TRAPPC11: variants seen among roughly 807,000 people sequenced by gnomAD.
TRAPPC11 encodes the protein trafficking protein particle complex subunit 11, also known as foie gras homolog.
TRAPPC11 carries 104 observed loss-of-function variants against 151.2 expected under a neutral mutation model. That is an observed-to-expected ratio of 0.69 (90% confidence interval 0.59 to 0.81). The LOEUF (loss-of-function observed/expected upper bound fraction) is 0.81, where lower values mean the gene tolerates loss of function less well. Among genes scored for constraint, TRAPPC11 ranks in the 30% least tolerant of loss-of-function variants. TRAPPC11 has a pLI of 0.00. For synonymous variants in TRAPPC11, 456 were observed against 472.3 expected, an observed-to-expected ratio of 0.97 and a Z score of 0.45; for missense variants, 1,230 against 1,349.6, an observed-to-expected ratio of 0.91 and a Z score of 1.39.
chr4:183,693,828 G>A (rs887671680), intron 21 of TRAPPC11, 89 bp from the exon 22 acceptor site: 64 of 1,595,572 alleles, frequency 4.0e-5, no homozygotes, highest in Non-Finnish European at 5.3e-5. Context: ...GTTTACAAGA[G>A]GGTATGGCAT....
At chr4:183,712,564 A>G in intron 29 of TRAPPC11, 36 bp from the exon 30 acceptor site, 1 of 1,604,576 alleles carries the variant, frequency 6.2e-7, no homozygotes, top group Non-Finnish European at 8.5e-7. Flanking sequence ...TTATATTATA[A>G]TTTTGTAAAC....
chr4:183,668,143 GT>G, intron 5 of TRAPPC11, 26 bp downstream of exon 5: 3 of 1,373,862 alleles, frequency 2.2e-6, no homozygotes, highest in Non-Finnish European at 3.0e-6. Flanking sequence ...TTAAAGTTTT[GT>G]TTTTTTAGAT....
chr4:183,684,125 C>T lies in TRAPPC11; in HGVS notation c.1288-20C>T, dbSNP rs1461677289. ...AAAATATTTGTATTGAAATGTTTCA[C>T]ACTCTACTTTTTCTAATAGGAGATA... On this transcript the variant is annotated intron_variant, in intron 12 of 29. Coordinates refer to ENST00000334690, the MANE Select transcript of TRAPPC11 (RefSeq NM_021942.6). 1.2e-6 allele frequency: 2 copies of T among 1,608,684 alleles called. No individual in the cohort carries two copies. Among genetic ancestry groups the T allele is most frequent in the Non-Finnish European group, 1.7e-6 (2 of 1,175,420 alleles).
At chr4:183,675,371 G>GAGAT in intron 7 of TRAPPC11, 134 bp downstream of exon 7, 1 of 431,744 alleles carries the variant, frequency 2.3e-6, no homozygotes, top group Admixed American at 4.3e-5. Flanking sequence ...AATTAGTGTA[G>GAGAT]AGATGAATGG....
intron 23 of TRAPPC11, 114 bp downstream of exon 23, chr4:183,694,837 T>G: frequency 9.4e-7 from 1 of 1,064,026 alleles, no homozygotes; most frequent in Non-Finnish European, 1.3e-6. Context: ...GCTTATAGTC[T>G]GTTATAAATT....
chr4:183,708,531 A>G lies in TRAPPC11; in HGVS notation c.3314A>G (p.Asn1105Ser). Residue 1105 changes from asparagine to serine, a missense_variant, in exon 29 of 30, where the codon AAT becomes AGT. Physicochemically the swap from Asn to Ser is conservative, Grantham distance 46 (BLOSUM62 1). Transcript: ENST00000334690. ...TTGCTTAGATTTCCTAACTTCACAAATCAGCTGCTCAGGCGTTTTATACCT... is the reference window on the plus strand; with the variant it reads ...TTGCTTAGATTTCCTAACTTCACAAGTCAGCTGCTCAGGCGTTTTATACCT... ...INLLRFPNFTNQLLRRFIPTS... is the reference protein window; with the variant it reads ...INLLRFPNFTSQLLRRFIPTS... 1 of 1,614,114 alleles carries G rather than the reference A, an allele frequency of 6.2e-7. No homozygotes were observed.
At chr4:183,699,205 A>T (rs1736685614) in intron 25 of TRAPPC11, among the ~76,000 whole-genome samples, 2 of 152,114 alleles carry the variant, frequency 1.3e-5, no homozygotes, top group South Asian at 4.2e-4. Flanking sequence ...CATTGCCCCC[A>T]GCTACTTTTG....
intron 7 of TRAPPC11, 84 bp from the exon 8 acceptor site, chr4:183,677,374 A>AT: frequency 1.2e-6 from 1 of 824,808 alleles, no homozygotes; most frequent in Middle Eastern, 2.3e-4. Context: ...TGTTGAGTAA[A>AT]TATTCTTTGT....
chr4:183,693,466 A>G, intron 20 of TRAPPC11, 123 bp from the exon 21 acceptor site: 1 of 1,113,228 alleles, frequency 9.0e-7, no homozygotes, highest in Non-Finnish European at 1.3e-6. Flanking sequence ...TCAGTCTCCC[A>G]AAATGCTGGG....
rs1002651123 is a variant in TRAPPC11, at chr4:183,659,400, T to A, written c.-69T>A. 2.5e-5 allele frequency: 4 copies of A among 158,170 alleles called. No individual in the cohort carries two copies. Among genetic ancestry groups the A allele is most frequent in the Admixed American group, 1.9e-4 (3 of 15,430 alleles). The allele number at this position is 158,170 out of a possible 1,614,324, so 9.8% of individuals were successfully genotyped here. A position where few individuals can be genotyped will look rare whatever the true frequency, so the allele number is the denominator to read the frequency against. Reference sequence around the variant, plus strand: ...CCGCCTCCCCTCGTCTTCTCCCGGCTGGCGGCGACCGGCCTCAGCTGCAGC... The same window carrying A: ...CCGCCTCCCCTCGTCTTCTCCCGGCAGGCGGCGACCGGCCTCAGCTGCAGC... On this transcript the variant is annotated 5_prime_UTR_variant, in exon 1 of 30. Coordinates refer to ENST00000334690, the MANE Select transcript of TRAPPC11 (RefSeq NM_021942.6).
intron 2 of TRAPPC11, among the ~76,000 whole-genome samples, chr4:183,665,913 AC>A (rs1734854042): frequency 6.7e-6 from 1 of 149,802 alleles, no homozygotes; most frequent in African/African-American, 2.4e-5. Context: ...AGTAGAATTT[AC>A]CTGGAAATGG....
Position 183,708,509 on chromosome 4 carries a change from C to G in TRAPPC11, c.3292C>G (p.Leu1098Val). The G allele has an allele frequency of 6.2e-7, 1 of 1,614,116 alleles. No homozygotes were observed. The highest frequency in any genetic ancestry group is 2.2e-5 in the East Asian group (1 of 44,860). Residue 1098 changes from leucine to valine, a missense_variant, in exon 29 of 30, where the codon CTT becomes GTT. Coordinates refer to ENST00000334690, the MANE Select transcript of TRAPPC11 (RefSeq NM_021942.6). ...QQLPSLNINL[L>V]RFPNFTNQLL... ...GCTGCCATCTCTCAACATCAACTTG[C>G]TTAGATTTCCTAACTTCACAAATCA...
chr4:183,691,188 T>C (rs1321905693), intron 18 of TRAPPC11, 128 bp from the exon 19 acceptor site: 6 of 671,842 alleles, frequency 8.9e-6, no homozygotes, highest in Non-Finnish European at 9.0e-6. Context: ...TAAAAAATAC[T>C]TCCTTTTATT....
At chr4:183,693,534 A>G (rs1379057500) in intron 20 of TRAPPC11, 55 bp from the exon 21 acceptor site, 8 of 1,546,508 alleles carry the variant, frequency 5.2e-6, no homozygotes, top group Admixed American at 2.1e-5. Context: ...CTTTATTTGA[A>G]TAATTTATTT....
intron 23 of TRAPPC11, among the ~76,000 whole-genome samples, chr4:183,696,922 A>G (rs192440605): frequency 2.8e-4 from 42 of 152,262 alleles, no homozygotes; most frequent in Non-Finnish European, 5.0e-4. Context: ...GTAGGAACTT[A>G]GACAAAAGGA....
intron 25 of TRAPPC11, among the ~76,000 whole-genome samples, chr4:183,700,151 A>G (rs1210485539): frequency 6.6e-6 from 1 of 152,130 alleles, no homozygotes; most frequent in Non-Finnish European, 1.5e-5. Flanking sequence ...GTTTTATTTA[A>G]CTTCTTACAA....
At chr4:183,697,277 C>T (rs1736583157) in intron 23 of TRAPPC11, among the ~76,000 whole-genome samples, 1 of 151,952 alleles carries the variant, frequency 6.6e-6, no homozygotes, top group Non-Finnish European at 1.5e-5. Flanking sequence ...TGCCACTGTC[C>T]TCCATCCTGG....
chr4:183,675,076 A>C (rs1233321299), intron 6 of TRAPPC11, 88 bp from the exon 7 acceptor site: 5 of 713,070 alleles, frequency 7.0e-6, no homozygotes, highest in Non-Finnish European at 6.4e-6. Context: ...ATTTTTCTTC[A>C]TTCTTTTATG....
Position 183,693,626 on chromosome 4 carries a change from C to T in TRAPPC11, c.2275C>T (p.Leu759=). ...AGTCCCAAACATTTCTGTACATCTG[C>T]TACATGAACCCCCTGCACTGACTAA... ...SRVPNISVHL[L]HEPPALTNEM... The change falls in exon 21 of 30, where the codon CTA becomes TTA. Residue 759 remains leucine, a synonymous_variant. Transcript: ENST00000334690. 6.2e-7 allele frequency: 1 copy of T among 1,613,872 alleles called. No individual in the cohort carries two copies. The highest frequency in any genetic ancestry group is 8.5e-7 in the Non-Finnish European group (1 of 1,179,966).
Sources: allele counts gnomAD v4.1 joint callset (sites outside exome capture counted in the v4.1 genomes callset), GRCh38; gene constraint gnomAD v4.1.1; transcripts MANE v1.5; gene names NCBI Gene and HGNC (gene_info 2026-07-23, HGNC 2026-07-21).